Variants in SPINK8 observed in about 807,000 individuals in gnomAD.
SPINK8 encodes serine protease inhibitor Kazal-type 8.
In SPINK8, 12 loss-of-function variants were observed where a neutral mutation model predicts 14.4. The observed-to-expected ratio is 0.83, with a 90% CI of 0.53 to 1.35. The LOEUF (loss-of-function observed/expected upper bound fraction) is 1.35. Ranked by LOEUF, SPINK8 falls within the 40% of genes most tolerant of loss-of-function variation. The probability of loss-of-function intolerance (pLI) is 0.00; values close to 1 mark genes in which losing one functional copy is unlikely to be tolerated. For missense variants in SPINK8, 103 were observed against 117.0 expected (o/e 0.88, Z 0.55); for synonymous variants, 32 against 37.6 (o/e 0.85, Z 0.55).
chr3:48,324,374 A>G (rs961010475), intron 4 of SPINK8, among the ~76,000 whole-genome samples: 2 of 152,196 alleles, frequency 1.3e-5, no homozygotes, highest in African/African-American at 2.4e-5. Flanking sequence ...AACAGTTTTT[A>G]GAGTATTCCT....
chr3:48,310,192 A>G (rs1244152836), intron 6 of SPINK8, among the ~76,000 whole-genome samples: 1 of 152,148 alleles, frequency 6.6e-6, no homozygotes, highest in Non-Finnish European at 1.5e-5. Context: ...TTCAAGTAGA[A>G]ATACAGAGGA....
intron 5 of SPINK8, among the ~76,000 whole-genome samples, chr3:48,320,112 A>G (rs2036052364): frequency 6.6e-6 from 1 of 151,580 alleles, no homozygotes; most frequent in South Asian, 2.1e-4. Context: ...CCTGGGCGAC[A>G]GAGCAAGACT....
At chr3:48,320,280 C>T (rs1343777787) in intron 5 of SPINK8, among the ~76,000 whole-genome samples, 3 of 150,238 alleles carry the variant, frequency 2.0e-5, no homozygotes, top group Non-Finnish European at 3.0e-5. Context: ...CCAGGCATGG[C>T]GGCTCACGCC....
intron 4 of SPINK8, among the ~76,000 whole-genome samples, chr3:48,324,586 C>T (rs1251907839): frequency 2.0e-5 from 3 of 152,170 alleles, no homozygotes; most frequent in African/African-American, 4.8e-5. Flanking sequence ...TATTACATTT[C>T]TATATGTTCT....
chr3:48,319,406 T>TCA, intron 6 of SPINK8, 91 bp downstream of exon 6: 1 of 1,437,740 alleles, frequency 7.0e-7, no homozygotes, highest in Non-Finnish European at 9.6e-7. Flanking sequence ...TCTCATTGGA[T>TCA]GATGTAGGAA....
chr3:48,317,781 C>T (rs544204358), intron 6 of SPINK8, among the ~76,000 whole-genome samples: 64 of 151,224 alleles, frequency 4.2e-4, no homozygotes, highest in African/African-American at 1.5e-3. Flanking sequence ...GAACTTTGCT[C>T]TGTTGCCCAG....
At chr3:48,327,090 G>A (rs1014687996) in intron 4 of SPINK8, among the ~76,000 whole-genome samples, 1 of 152,204 alleles carries the variant, frequency 6.6e-6, no homozygotes, top group Non-Finnish European at 1.5e-5. Flanking sequence ...GGGAAACCCA[G>A]CATAGTAGTA....
intron 4 of SPINK8, among the ~76,000 whole-genome samples, chr3:48,321,652 A>G (rs1327177061): frequency 1.3e-5 from 2 of 151,776 alleles, no homozygotes; most frequent in Non-Finnish European, 2.9e-5. Flanking sequence ...TGTCTCTACT[A>G]AAAATACAAA....
Position 48,311,096 on chromosome 3 carries a change from A to G in SPINK8, c.240-1150T>C, listed in dbSNP as rs544880871. 2.6e-5 allele frequency among the ~76,000 whole-genome samples: 4 copies of G among 152,332 alleles called. No homozygotes were observed. In the East Asian group the frequency reaches 7.7e-4, roughly 29 times the overall value. On this transcript the variant is annotated intron_variant, in intron 6 of 7. Transcript: ENST00000434006. ...AGCGTTTCAAAAAAAAAATCAGCCA[A>G]TTTAATAATATCACATTAATAGAAT...
At chr3:48,328,478 A>G (rs2036176293) in intron 3 of SPINK8, 124 bp from the exon 4 acceptor site, 1 of 545,054 alleles carries the variant, frequency 1.8e-6, no homozygotes, top group Admixed American at 3.3e-5. Flanking sequence ...GGTCATTTGG[A>G]ATGAATTGTG....
intron 6 of SPINK8, 101 bp from the exon 7 acceptor site, chr3:48,310,047 C>A: frequency 8.2e-7 from 1 of 1,221,844 alleles, no homozygotes; most frequent in Non-Finnish European, 1.0e-6. Flanking sequence ...GGGAAATAAA[C>A]ATTCTGCTAA....
chr3:48,311,094 C>CAATTTAAT (rs1253465966), intron 6 of SPINK8, among the ~76,000 whole-genome samples: 2 of 152,018 alleles, frequency 1.3e-5, no homozygotes, highest in African/African-American at 2.4e-5. Context: ...AAAAATCAGC[C>CAATTTAAT]AATTTAATAA....
chr3:48,320,079 G>A (rs553457377), intron 5 of SPINK8, among the ~76,000 whole-genome samples: 5 of 151,576 alleles, frequency 3.3e-5, no homozygotes, highest in Admixed American at 2.6e-4. Flanking sequence ...GCAGTGAGCC[G>A]AGATCGCGCC....
At chr3:48,326,705 T>G (rs568124726) in intron 4 of SPINK8, among the ~76,000 whole-genome samples, 1 of 152,154 alleles carries the variant, frequency 6.6e-6, no homozygotes, top group East Asian at 1.9e-4. Flanking sequence ...GGTCAGGTGT[T>G]CGAGACCACC....
chr3:48,328,017 A>T (rs1261223502), intron 4 of SPINK8, among the ~76,000 whole-genome samples: 1 of 152,146 alleles, frequency 6.6e-6, no homozygotes, highest in East Asian at 1.9e-4. Context: ...TACATTTCTG[A>T]GGTTTAAATA....
intron 5 of SPINK8, 119 bp downstream of exon 5, chr3:48,320,906 C>T: frequency 1.1e-6 from 1 of 929,334 alleles, no homozygotes; most frequent in Non-Finnish European, 1.6e-6. Flanking sequence ...TTTTATTGTT[C>T]TGTTATTCCC....
At chr3:48,320,092 T>G (rs891701725) in intron 5 of SPINK8, among the ~76,000 whole-genome samples, 1 of 150,570 alleles carries the variant, frequency 6.6e-6, no homozygotes, top group African/African-American at 2.4e-5. Flanking sequence ...ATCGCGCCAC[T>G]GCACTCCAGC....
At chr3:48,322,652 G>A (rs1342555216) in intron 4 of SPINK8, among the ~76,000 whole-genome samples, 1 of 152,064 alleles carries the variant, frequency 6.6e-6, no homozygotes, top group Non-Finnish European at 1.5e-5. Context: ...TTCTGTTTCT[G>A]TAGATTTGCT....
At chr3:48,319,768 AG>A in intron 5 of SPINK8, 150 bp from the exon 6 acceptor site, 1 of 998,120 alleles carries the variant, frequency 1.0e-6, no homozygotes, top group African/African-American at 1.6e-5. Flanking sequence ...TGACCCCAAC[AG>A]TTACCACCCA....
Sources: gnomAD v4.1 joint callset for allele counts (sites outside exome capture counted in the v4.1 genomes callset) on GRCh38, gnomAD v4.1.1 for gene constraint, MANE v1.5 for transcripts, NCBI Gene and HGNC (gene_info 2026-07-23, HGNC 2026-07-21) for gene names.